Variants in CNTNAP2 observed in about 807,000 individuals in gnomAD.
CNTNAP2 encodes the protein contactin associated protein 2, also known as contactin-associated protein-like 2.
In CNTNAP2, 98 loss-of-function variants were observed where a neutral mutation model predicts 155.2. That is an observed-to-expected ratio of 0.63 (90% CI 0.54 to 0.75). The LOEUF is 0.75. CNTNAP2 is among the 30% of genes least tolerant of loss of function. The pLI, the probability that CNTNAP2 is intolerant of heterozygous loss-of-function variation, is 0.00. For synonymous variants in CNTNAP2, 651 were observed against 631.2 expected (o/e 1.03, Z -0.47); for missense variants, 1,727 against 1,688.1 (o/e 1.02, Z -0.40).
intron 15 of CNTNAP2, among the ~76,000 whole-genome samples, chr7:147,988,292 C>G (rs1801653691): frequency 6.6e-6 from 1 of 152,094 alleles, no homozygotes; most frequent in Non-Finnish European, 1.5e-5. Flanking sequence ...CTATTCAGAT[C>G]TTAATCTCTT....
At chr7:146,361,451 A>G (rs1315044995) in intron 1 of CNTNAP2, among the ~76,000 whole-genome samples, 1 of 152,060 alleles carries the variant, frequency 6.6e-6, no homozygotes, top group Non-Finnish European at 1.5e-5. Context: ...ACTACTTTCA[A>G]TTTCTGTCTT....
intron 1 of CNTNAP2, among the ~76,000 whole-genome samples, chr7:146,523,327 A>C (rs892189068): frequency 6.6e-6 from 1 of 152,080 alleles, no homozygotes; most frequent in African/African-American, 2.4e-5. Flanking sequence ...CTCTACTTTT[A>C]TGATTAAAAA....
intron 1 of CNTNAP2, among the ~76,000 whole-genome samples, chr7:146,623,285 G>GT (rs1164975141): frequency 2.0e-5 from 3 of 151,960 alleles, no homozygotes; most frequent in African/African-American, 7.3e-5. Context: ...TCCTGCATAC[G>GT]TTTTAAAGCG....
At chr7:147,628,467 G>C (rs766354617) in intron 12 of CNTNAP2, among the ~76,000 whole-genome samples, 2 of 152,068 alleles carry the variant, frequency 1.3e-5, no homozygotes, top group Non-Finnish European at 1.5e-5. Context: ...AGCGCTATAA[G>C]AAATGCTAAA....
chr7:146,974,699 C>G (rs1260345423), intron 3 of CNTNAP2, among the ~76,000 whole-genome samples: 2 of 152,124 alleles, frequency 1.3e-5, no homozygotes, highest in African/African-American at 4.8e-5. Context: ...ATGACTTACT[C>G]TTTAGAAGCA....
chr7:148,045,387 C>T (rs1434686920), intron 15 of CNTNAP2, among the ~76,000 whole-genome samples: 2 of 152,084 alleles, frequency 1.3e-5, no homozygotes, highest in Non-Finnish European at 2.9e-5. Context: ...TGTGCCTGAG[C>T]GGTAGTAACT....
At chr7:146,244,037 C>T (rs970471172) in intron 1 of CNTNAP2, among the ~76,000 whole-genome samples, 2 of 151,934 alleles carry the variant, frequency 1.3e-5, no homozygotes, top group African/African-American at 4.8e-5. Context: ...TTAGAAGGAA[C>T]ATTTGTAATT....
chr7:148,069,735 G>T (rs1430372287), intron 15 of CNTNAP2, among the ~76,000 whole-genome samples: 1 of 149,568 alleles, frequency 6.7e-6, no homozygotes, highest in Non-Finnish European at 1.5e-5. Flanking sequence ...ACTCCAGCCT[G>T]GGTGACAGAC....
chr7:146,719,365 A>G (rs550056408), intron 1 of CNTNAP2, among the ~76,000 whole-genome samples: 1 of 152,326 alleles, frequency 6.6e-6, no homozygotes. Context: ...CTATGTCCCT[A>G]AACAATCTTA....
At chr7:148,352,302 T>C (rs536833376) in intron 21 of CNTNAP2, among the ~76,000 whole-genome samples, 21 of 152,322 alleles carry the variant, frequency 1.4e-4, no homozygotes, top group African/African-American at 5.1e-4. Context: ...AGCTGTGATC[T>C]TAAGGAGCAA....
intron 10 of CNTNAP2, among the ~76,000 whole-genome samples, chr7:147,453,976 T>G (rs576553040): frequency 8.7e-4 from 131 of 151,028 alleles, no homozygotes; most frequent in African/African-American, 3.1e-3. Context: ...TTCTCTTATT[T>G]GTTATTTATA....
chr7:147,120,716 T>C (rs1388843228), intron 5 of CNTNAP2, among the ~76,000 whole-genome samples: 2 of 152,166 alleles, frequency 1.3e-5, no homozygotes, highest in Admixed American at 6.5e-5. Context: ...TGTGACATGC[T>C]GGTGCGCTGC....
intron 13 of CNTNAP2, among the ~76,000 whole-genome samples, chr7:147,881,969 C>T (rs1799530172): frequency 6.6e-6 from 1 of 151,844 alleles, no homozygotes; most frequent in South Asian, 2.1e-4. Context: ...GAGACTTCAT[C>T]CACCCCTCAT....
At chr7:147,497,015 G>A (rs1307523912) in intron 11 of CNTNAP2, 1 of 151,954 alleles carries the variant, frequency 6.6e-6, no homozygotes, top group Non-Finnish European at 1.5e-5. Context: ...CCATTAATAA[G>A]CAATAGTTTC....
chr7:146,283,933 A>C (rs934562676), intron 1 of CNTNAP2, among the ~76,000 whole-genome samples: 4 of 152,190 alleles, frequency 2.6e-5, no homozygotes, highest in Admixed American at 2.0e-4. Context: ...ATAAAAATGC[A>C]AACAAAATCA....
intron 1 of CNTNAP2, among the ~76,000 whole-genome samples, chr7:146,641,285 C>G (rs1277821842): frequency 6.6e-6 from 1 of 152,154 alleles, no homozygotes; most frequent in East Asian, 1.9e-4. Context: ...GAGATCGCAC[C>G]ACTGCACTCC....
At chr7:146,879,533 T>C (rs4349905) in intron 3 of CNTNAP2, among the ~76,000 whole-genome samples, 83,029 of 151,802 alleles carry the variant, frequency 0.55, 23,968 homozygotes, top group Admixed American at 0.67. Flanking sequence ...GACACTCTTA[T>C]GAGTGTTTTA....
chr7:147,257,345 G>A (rs144767469), intron 8 of CNTNAP2, among the ~76,000 whole-genome samples: 2 of 152,338 alleles, frequency 1.3e-5, no homozygotes, highest in South Asian at 2.1e-4. Flanking sequence ...GCAACATCGA[G>A]TAATTCCTTT....
At chr7:148,171,063 C>A (rs1046883518) in intron 17 of CNTNAP2, among the ~76,000 whole-genome samples, 5 of 152,310 alleles carry the variant, frequency 3.3e-5, no homozygotes, top group African/African-American at 1.2e-4. Context: ...AGATCTGATA[C>A]AGTTGCCACT....
Sources: allele counts gnomAD v4.1 joint callset (sites outside exome capture counted in the v4.1 genomes callset), GRCh38; gene constraint gnomAD v4.1.1; transcripts MANE v1.5; gene names NCBI Gene and HGNC (gene_info 2026-07-23, HGNC 2026-07-21).